MPDZ: variants seen among roughly 807,000 people sequenced by gnomAD.
The protein encoded by MPDZ is multiple PDZ domain crumbs cell polarity complex component, also known as multiple PDZ domain protein.
MPDZ carries 234 observed loss-of-function variants against 239.1 expected under a neutral mutation model. That is an observed-to-expected ratio of 0.98 (90% CI 0.88 to 1.09). The LOEUF (loss-of-function observed/expected upper bound fraction) is 1.09. Among genes scored for constraint, MPDZ ranks in the 50% least tolerant of loss-of-function variants. The pLI is 0.00. For synonymous variants in MPDZ, 1,048 were observed against 881.3 expected (o/e 1.19, Z -3.35); for missense variants, 3,175 against 2,510.0 (o/e 1.26, Z -5.66).
At chr9:13,243,478 G>A (rs1965900114) in intron 3 of MPDZ, among the ~76,000 whole-genome samples, 1 of 151,312 alleles carries the variant, frequency 6.6e-6, no homozygotes. Flanking sequence ...CTTTGTTTAG[G>A]TTTACATTTG....
chr9:13,226,462 C>T (rs965083013), intron 3 of MPDZ, among the ~76,000 whole-genome samples: 1 of 152,110 alleles, frequency 6.6e-6, no homozygotes, highest in African/African-American at 2.4e-5. Flanking sequence ...CCCTCACCCA[C>T]TTAGCCCTAG....
chr9:13,237,299 C>T lies in MPDZ; in HGVS notation c.183+10336G>A, dbSNP rs574723444. Among the ~76,000 whole-genome samples, 5 of 151,118 alleles carry T rather than the reference C, an allele frequency of 3.3e-5. No individual in the cohort carries two copies. In the East Asian group the frequency reaches 9.8e-4, roughly 30 times the overall value. ...CTCTACAAAAAAAAAAATTGCCTGGCTAGTGGCACACACCTGTGGTCCCAG... is the reference window on the plus strand; with the variant it reads ...CTCTACAAAAAAAAAAATTGCCTGGTTAGTGGCACACACCTGTGGTCCCAG... On this transcript the variant is annotated intron_variant, in intron 3 of 46. Coordinates refer to ENST00000319217, the MANE Select transcript of MPDZ (RefSeq NM_001378778.1).
At position 13,136,320 on chromosome 9, in the gene MPDZ, G is replaced by GTTTTTTT. The variant is rs1444109820; in HGVS notation, c.4293-139_4293-138insAAAAAAA. 837 of 194,452 alleles carry GTTTTTTT rather than the reference G, an allele frequency of 4.3e-3. 61 individuals are homozygous for GTTTTTTT. Among genetic ancestry groups the GTTTTTTT allele is most frequent in the African/African-American group, 6.6e-3 (100 of 15,130 alleles). The allele number at this position is 194,452 out of a possible 1,614,324, so 12.0% of individuals were successfully genotyped here. ...CTGTGACACTTACAAATTTACAAAC[G>GTTTTTTT]TTTTCTTTTTTTTTTTTTTTTTTTT... On this transcript the variant is annotated intron_variant, in intron 30 of 46. Coordinates refer to ENST00000319217, the MANE Select transcript of MPDZ (RefSeq NM_001378778.1).
At chr9:13,133,521 A>C (rs1340218544) in intron 32 of MPDZ, among the ~76,000 whole-genome samples, 1 of 152,172 alleles carries the variant, frequency 6.6e-6, no homozygotes, top group African/African-American at 2.4e-5. Context: ...CAGATAACTA[A>C]ATTTCATAAC....
At chr9:13,165,069 C>T (rs192599154) in intron 22 of MPDZ, among the ~76,000 whole-genome samples, 1 of 152,094 alleles carries the variant, frequency 6.6e-6, no homozygotes, top group East Asian at 1.9e-4. Flanking sequence ...AATGCAGAGA[C>T]TATTCCTGCA....
chr9:13,173,734 C>G (rs572781072), intron 21 of MPDZ, among the ~76,000 whole-genome samples: 2 of 151,876 alleles, frequency 1.3e-5, no homozygotes, highest in Admixed American at 6.6e-5. Context: ...GTAAGCAATC[C>G]AAATAGCCAG....
chr9:13,130,629 T>C (rs1945842090), intron 32 of MPDZ, among the ~76,000 whole-genome samples: 1 of 152,208 alleles, frequency 6.6e-6, no homozygotes, highest in Non-Finnish European at 1.5e-5. Flanking sequence ...AAGACATTAA[T>C]AGTAAGCACT....
At chr9:13,109,750 A>G (rs990620151) in intron 45 of MPDZ, among the ~76,000 whole-genome samples, 5 of 152,172 alleles carry the variant, frequency 3.3e-5, no homozygotes, top group Non-Finnish European at 7.3e-5. Flanking sequence ...CTAGTTATCT[A>G]TCTCTACTTA....
intron 22 of MPDZ, among the ~76,000 whole-genome samples, chr9:13,163,176 T>C (rs1315001132): frequency 6.6e-6 from 1 of 152,178 alleles, no homozygotes; most frequent in Non-Finnish European, 1.5e-5. Context: ...CAAAGATTTC[T>C]GGGATCTCTA....
intron 26 of MPDZ, 147 bp downstream of exon 26, chr9:13,147,401 T>A (rs1948577628): frequency 1.7e-6 from 1 of 598,050 alleles, no homozygotes; most frequent in Non-Finnish European, 3.0e-6. Flanking sequence ...ACTCAATTTC[T>A]GAGAAAGCAA....
chr9:13,140,498 T>C (rs1238296546), intron 27 of MPDZ, among the ~76,000 whole-genome samples: 3 of 149,094 alleles, frequency 2.0e-5, no homozygotes, highest in South Asian at 4.2e-4. Context: ...TATATATCTA[T>C]GTATATATAT....
intron 19 of MPDZ, among the ~76,000 whole-genome samples, chr9:13,182,944 C>T (rs776497973): frequency 4.6e-5 from 7 of 152,064 alleles, no homozygotes; most frequent in Non-Finnish European, 8.8e-5. Flanking sequence ...GTAAAGTATT[C>T]TTTGGCATCA....
At chr9:13,136,997 G>A (rs1332570982) in intron 29 of MPDZ, among the ~76,000 whole-genome samples, 194 bp from the exon 30 acceptor site, 1 of 152,068 alleles carries the variant, frequency 6.6e-6, no homozygotes, top group Non-Finnish European at 1.5e-5. Flanking sequence ...TTTAAAGCCA[G>A]CATTAAAATA....
chr9:13,236,044 G>A (rs967082594), intron 3 of MPDZ, among the ~76,000 whole-genome samples: 29 of 151,298 alleles, frequency 1.9e-4, no homozygotes, highest in African/African-American at 6.1e-4. Context: ...TGAATGAGGA[G>A]TTAACAGATT....
Position 13,110,746 on chromosome 9 carries a change from A to C in MPDZ, c.5725-6T>G, listed in dbSNP as rs757970149. ...GTGACAATCCTATCCCCAACCTGCA[A>C]GGGAGAGAAAGAAACAGCCATCTGC... On this transcript the variant is annotated splice_region_variant and splice_polypyrimidine_tract_variant and intron_variant, in intron 43 of 46. Coordinates refer to ENST00000319217, the MANE Select transcript of MPDZ (RefSeq NM_001378778.1). 1.2e-5 allele frequency: 19 copies of C among 1,608,118 alleles called. No individual in the cohort carries two copies. The Admixed American group carries it at 2.4e-4, about 20-fold the overall frequency.
rs1563812880 is a variant in MPDZ at position 13,110,721 on chromosome 9, G to A, written c.5744C>T (p.Thr1915Ile). The A allele has an allele frequency of 6.2e-6, 10 of 1,613,296 alleles. No individual in the cohort carries two copies. The highest frequency in any genetic ancestry group is 1.1e-5 in the South Asian group (1 of 90,868). ...QKLRVGDRIV[T>I]ICGTSTEGMT... ...GCCCTCAGTGGATGTGCCACAGATG[G>A]TGACAATCCTATCCCCAACCTGCAA... The change falls in exon 44 of 47, where the codon ACC (threonine) becomes ATC (isoleucine). Residue 1915 changes from threonine to isoleucine, a missense_variant. Physicochemically the swap from Thr to Ile is moderately conservative, Grantham distance 89. Coordinates refer to ENST00000319217, the MANE Select transcript of MPDZ (RefSeq NM_001378778.1).
intron 35 of MPDZ, among the ~76,000 whole-genome samples, chr9:13,124,965 G>A (rs1426096933): frequency 6.6e-6 from 1 of 152,124 alleles, no homozygotes; most frequent in Non-Finnish European, 1.5e-5. Context: ...TGAAGAAGCT[G>A]AGGCTTTGAG....
intron 1 of MPDZ, among the ~76,000 whole-genome samples, chr9:13,269,880 A>T (rs1335119309): frequency 6.6e-6 from 1 of 152,192 alleles, no homozygotes; most frequent in Non-Finnish European, 1.5e-5. Flanking sequence ...AGAAATCCAA[A>T]TTACTATGAA....
rs1002788772 is a variant in MPDZ at position 13,140,393 on chromosome 9, C to T, written c.3841-244G>A. On this transcript the variant is annotated intron_variant, in intron 27 of 46. Coordinates refer to ENST00000319217, the MANE Select transcript of MPDZ (RefSeq NM_001378778.1). ...GATTGTTAAATATTTTATATATATA[C>T]ATATATATATATATATGTATATATA... 1.0e-3 allele frequency among the ~76,000 whole-genome samples: 136 copies of T among 136,520 alleles called. 1 individual carries two copies. The highest frequency in any genetic ancestry group is 3.6e-3 in the African/African-American group (128 of 35,652). 89.6% of individuals were successfully genotyped at this position (136,520 alleles called of 152,430 possible).
Sources: gnomAD v4.1 joint callset for allele counts (sites outside exome capture counted in the v4.1 genomes callset) on GRCh38, gnomAD v4.1.1 for gene constraint, MANE v1.5 for transcripts, NCBI Gene and HGNC (gene_info 2026-07-23, HGNC 2026-07-21) for gene names.